Variants in CSMD1 observed in about 807,000 individuals in gnomAD.
CSMD1 encodes CUB and sushi domain-containing protein 1.
A neutral mutation model predicts 417.5 loss-of-function variants in CSMD1; 213 were observed. That is an observed-to-expected ratio of 0.51 (90% CI 0.46 to 0.57). The LOEUF (loss-of-function observed/expected upper bound fraction) is 0.57. Ranked by LOEUF, CSMD1 falls within the 20% of genes least tolerant of loss-of-function variation. The pLI is 0.00. For missense variants in CSMD1, 6,923 were observed against 4,529.7 expected (o/e 1.53, Z -15.17); for synonymous variants, 2,862 against 1,736.8 (o/e 1.65, Z -16.11).
At chr8:3,051,862 TTATTCCA>T (rs1464366537) in intron 50 of CSMD1, among the ~76,000 whole-genome samples, 1 of 152,202 alleles carries the variant, frequency 6.6e-6, no homozygotes, top group Non-Finnish European at 1.5e-5. Flanking sequence ...TAACAGACTA[TTATTCCA>T]TAAGACTAGA....
chr8:3,316,682 G>C (rs751376464), intron 23 of CSMD1, among the ~76,000 whole-genome samples: 1 of 152,192 alleles, frequency 6.6e-6, no homozygotes, highest in Middle Eastern at 3.4e-3. Context: ...CCTTTTAAAC[G>C]TGTGGCGGTT....
At chr8:3,879,531 C>A (rs2129119450) in intron 5 of CSMD1, among the ~76,000 whole-genome samples, 1 of 152,238 alleles carries the variant, frequency 6.6e-6, no homozygotes, top group East Asian at 1.9e-4. Flanking sequence ...GTAGCTCCTC[C>A]CCCGCTACAG....
At chr8:3,812,935 T>C (rs974956730) in intron 5 of CSMD1, among the ~76,000 whole-genome samples, 1 of 152,142 alleles carries the variant, frequency 6.6e-6, no homozygotes, top group Non-Finnish European at 1.5e-5. Flanking sequence ...TTTGATAACG[T>C]CAGGTATCTA....
rs150402191 is a variant in CSMD1 at position 2,984,337 on chromosome 8, G to A, written c.8378-5537C>T. Among the ~76,000 whole-genome samples, 1,002 of 152,160 alleles carry A rather than the reference G, an allele frequency of 6.6e-3. 14 individuals carry two copies. The highest frequency in any genetic ancestry group is 0.021 in the African/African-American group (859 of 41,498). ...GATTTAAAGAAACCTGTGCGTTGAGGCTATTTATTTACTTTTTCTTTTTTC... is the reference window on the plus strand; with the variant it reads ...GATTTAAAGAAACCTGTGCGTTGAGACTATTTATTTACTTTTTCTTTTTTC... On this transcript the variant is annotated intron_variant, in intron 54 of 69. Transcript: ENST00000635120.
intron 2 of CSMD1, among the ~76,000 whole-genome samples, chr8:4,610,501 A>G (rs1029788119): frequency 1.3e-5 from 2 of 151,920 alleles, no homozygotes; most frequent in Non-Finnish European, 2.9e-5. Flanking sequence ...CATAAACACC[A>G]CTCTTTCTAT....
In CSMD1 at chr8:3,732,672, AT is replaced by A. The variant is rs530223791; in HGVS notation, c.931+21257del. ...TTGAACAGAGTTCAATCCTAAATTG[AT>A]TTTTTTTAAGACAGAAAAAAAGAAA... On this transcript the variant is annotated intron_variant, in intron 6 of 69. Transcript: ENST00000635120. Among the ~76,000 whole-genome samples the A allele has an allele frequency of 1.2e-3, 177 of 152,092 alleles. 1 individual carries two copies. Among genetic ancestry groups the A allele is most frequent in the African/African-American group, 3.9e-3 (163 of 41,500 alleles).
intron 3 of CSMD1, among the ~76,000 whole-genome samples, chr8:4,094,323 C>T (rs1349094436): frequency 1.3e-5 from 2 of 152,040 alleles, no homozygotes; most frequent in African/African-American, 2.4e-5. Context: ...ACTGTAGGAA[C>T]CCAGGCCAGA....
At chr8:3,987,131 C>A (rs892640590) in intron 5 of CSMD1, among the ~76,000 whole-genome samples, 9 of 152,176 alleles carry the variant, frequency 5.9e-5, no homozygotes, top group African/African-American at 2.2e-4. Context: ...TGTATTTACA[C>A]ACACAGCGTC....
chr8:3,039,055 A>C (rs1466278260), intron 50 of CSMD1, among the ~76,000 whole-genome samples: 2 of 152,208 alleles, frequency 1.3e-5, no homozygotes, highest in Admixed American at 1.3e-4. Context: ...ATCTAGACAG[A>C]AAGTAACCCA....
At chr8:3,259,187 C>G (rs1800875208) in intron 26 of CSMD1, among the ~76,000 whole-genome samples, 1 of 152,164 alleles carries the variant, frequency 6.6e-6, no homozygotes, top group African/African-American at 2.4e-5. Flanking sequence ...GACTCATATT[C>G]CAGGTATTAA....
chr8:3,118,347 C>T, intron 42 of CSMD1, 52 bp downstream of exon 42: 1 of 1,218,168 alleles, frequency 8.2e-7, no homozygotes, highest in Non-Finnish European at 1.2e-6. Context: ...ATTTAATGTG[C>T]TATTATGCCC....
intron 5 of CSMD1, among the ~76,000 whole-genome samples, chr8:3,808,083 A>G (rs1163881677): frequency 6.6e-6 from 1 of 152,254 alleles, no homozygotes; most frequent in East Asian, 1.9e-4. Flanking sequence ...AAATGGTTTG[A>G]TTATAGAAGA....
chr8:3,513,454 T>C (rs559322904), intron 10 of CSMD1, among the ~76,000 whole-genome samples: 2 of 151,846 alleles, frequency 1.3e-5, no homozygotes, highest in Admixed American at 1.3e-4. Flanking sequence ...GCCTCCTGAA[T>C]AGCTGGGATT....
intron 3 of CSMD1, among the ~76,000 whole-genome samples, chr8:4,377,027 T>C (rs1802793153): frequency 6.6e-6 from 1 of 152,234 alleles, no homozygotes; most frequent in Non-Finnish European, 1.5e-5. Context: ...GCAAGTGGGA[T>C]GGCCTCGTCG....
chr8:3,785,632 C>A (rs560139113), intron 5 of CSMD1, among the ~76,000 whole-genome samples: 5 of 152,152 alleles, frequency 3.3e-5, no homozygotes, highest in African/African-American at 9.7e-5. Context: ...AAGTTACCAT[C>A]GAGTGTTTAT....
At chr8:4,344,716 A>G (rs1800682396) in intron 3 of CSMD1, among the ~76,000 whole-genome samples, 1 of 152,258 alleles carries the variant, frequency 6.6e-6, no homozygotes, top group Non-Finnish European at 1.5e-5. Flanking sequence ...AGGCATATCC[A>G]TCATTGAGCA....
chr8:4,247,425 T>C (rs1055674297), intron 3 of CSMD1, among the ~76,000 whole-genome samples: 2 of 152,188 alleles, frequency 1.3e-5, no homozygotes, highest in Non-Finnish European at 2.9e-5. Flanking sequence ...TCTCCTGCTG[T>C]GTCACTCAGA....
chr8:4,986,054 A>C (rs1285284702), intron 1 of CSMD1, among the ~76,000 whole-genome samples: 1 of 152,224 alleles, frequency 6.6e-6, no homozygotes. Flanking sequence ...ATTATACATC[A>C]AAGTACACTA....
At chr8:4,376,490 A>G (rs1198013657) in intron 3 of CSMD1, among the ~76,000 whole-genome samples, 3 of 152,170 alleles carry the variant, frequency 2.0e-5, no homozygotes, top group African/African-American at 7.2e-5. Flanking sequence ...CTCCATTTTT[A>G]TATGAATAGA....
Sources: allele counts gnomAD v4.1 joint callset (sites outside exome capture counted in the v4.1 genomes callset), GRCh38; gene constraint gnomAD v4.1.1; transcripts MANE v1.5; gene names NCBI Gene and HGNC (gene_info 2026-07-23, HGNC 2026-07-21).